CADM2: variants seen among roughly 807,000 people sequenced by gnomAD.
The protein encoded by CADM2 is immunoglobulin superfamily member 4D.
A neutral mutation model predicts 49.8 loss-of-function variants in CADM2; 12 were observed. The observed-to-expected ratio is 0.24, with a 90% CI of 0.15 to 0.39. The LOEUF is 0.39. CADM2 is among the 10% of genes least tolerant of loss of function. CADM2 has a pLI of 1.00. For synonymous variants in CADM2, 214 were observed against 175.4 expected (o/e 1.22, Z -1.74); for missense variants, 378 against 492.3 (o/e 0.77, Z 2.20).
intron 8 of CADM2, chr3:86,012,951 GGCGACA>G: frequency 1.4e-6 from 1 of 692,568 alleles, no homozygotes; most frequent in Non-Finnish European, 2.6e-6. Context: ...CTCCAGCCTG[GGCGACA>G]GCGAGACTCC....
chr3:85,004,241 C>T (rs904000536), intron 1 of CADM2, among the ~76,000 whole-genome samples: 9 of 152,028 alleles, frequency 5.9e-5, no homozygotes, highest in African/African-American at 2.2e-4. Context: ...AGCAACGAAG[C>T]GTTTGCTGGT....
At chr3:85,559,985 A>G (rs1321062785) in intron 1 of CADM2, among the ~76,000 whole-genome samples, 3 of 152,212 alleles carry the variant, frequency 2.0e-5, no homozygotes, top group Non-Finnish European at 2.9e-5. Context: ...ATTAACAGCT[A>G]AAGTGTTTCA....
chr3:85,471,409 C>T (rs2038757894), intron 1 of CADM2, among the ~76,000 whole-genome samples: 1 of 152,134 alleles, frequency 6.6e-6, no homozygotes, highest in South Asian at 2.1e-4. Flanking sequence ...CAACTAACTT[C>T]AAGGGAAGCT....
intron 1 of CADM2, among the ~76,000 whole-genome samples, chr3:85,232,854 C>T (rs997002030): frequency 5.9e-5 from 9 of 152,082 alleles, no homozygotes; most frequent in African/African-American, 2.2e-4. Context: ...CAAATCTAAA[C>T]ATAGGTTTAG....
At chr3:85,441,364 T>C (rs1204980941) in intron 1 of CADM2, among the ~76,000 whole-genome samples, 2 of 152,016 alleles carry the variant, frequency 1.3e-5, no homozygotes, top group Non-Finnish European at 2.9e-5. Context: ...GTCAATATTA[T>C]AAATAAACAT....
chr3:85,154,783 T>A (rs2107653831), intron 1 of CADM2, among the ~76,000 whole-genome samples: 2 of 145,020 alleles, frequency 1.4e-5, no homozygotes, highest in South Asian at 4.6e-4. Context: ...GGGGCCAATA[T>A]TCAACATTCT....
At chr3:85,654,693 C>T (rs2065145063) in intron 1 of CADM2, among the ~76,000 whole-genome samples, 1 of 152,126 alleles carries the variant, frequency 6.6e-6, no homozygotes, top group Non-Finnish European at 1.5e-5. Flanking sequence ...ATTGGATAGC[C>T]TCTAATTGTT....
chr3:85,661,704 C>A lies in CADM2; in HGVS notation c.62-64818C>A, dbSNP rs184743471. On this transcript the variant is annotated intron_variant, in intron 1 of 9. Transcript: ENST00000383699. ...ACTTCATACTCAAAGTGAAAGACCA[C>A]TAGCTCAAATAACCAGATGAAGAGA... Among the ~76,000 whole-genome samples the A allele has an allele frequency of 2.5e-4, 38 of 152,010 alleles. No homozygotes were observed. The East Asian group carries it at 7.0e-3, about 28-fold the overall frequency.
intron 1 of CADM2, among the ~76,000 whole-genome samples, chr3:85,312,138 C>T (rs970207542): frequency 6.6e-5 from 10 of 152,036 alleles, no homozygotes; most frequent in African/African-American, 2.2e-4. Flanking sequence ...TGACCTTCAG[C>T]TTTGAAATTG....
chr3:85,514,921 T>C (rs1386474650), intron 1 of CADM2, among the ~76,000 whole-genome samples: 10 of 152,210 alleles, frequency 6.6e-5, no homozygotes, highest in African/African-American at 2.4e-4. Flanking sequence ...ATATCTTTAT[T>C]ACCCTATTCT....
chr3:85,460,951 A>G (rs2038217991), intron 1 of CADM2, among the ~76,000 whole-genome samples: 1 of 152,156 alleles, frequency 6.6e-6, no homozygotes, highest in Non-Finnish European at 1.5e-5. Context: ...GAAAAAGTAA[A>G]GTCTGGGAAG....
At chr3:85,188,342 G>T (rs931643675) in intron 1 of CADM2, among the ~76,000 whole-genome samples, 1 of 152,026 alleles carries the variant, frequency 6.6e-6, no homozygotes, top group Non-Finnish European at 1.5e-5. Context: ...AAAATGCTAT[G>T]TTTCTATCAA....
At chr3:85,245,796 G>T (rs2107846232) in intron 1 of CADM2, among the ~76,000 whole-genome samples, 1 of 152,302 alleles carries the variant, frequency 6.6e-6, no homozygotes, top group African/African-American at 2.4e-5. Context: ...ATGCCAAGTA[G>T]TGTGCTGCTT....
intron 1 of CADM2, among the ~76,000 whole-genome samples, chr3:85,513,590 T>A (rs1328138832): frequency 6.6e-6 from 1 of 152,126 alleles, no homozygotes; most frequent in South Asian, 2.1e-4. Flanking sequence ...AAATATTCTT[T>A]ATCATATTAT....
At chr3:85,141,372 T>C (rs2039570581) in intron 1 of CADM2, among the ~76,000 whole-genome samples, 1 of 152,150 alleles carries the variant, frequency 6.6e-6, no homozygotes, top group South Asian at 2.1e-4. Context: ...ACTTAACACA[T>C]GTAAAGTGCT....
At chr3:85,724,661 CT>C (rs2067623078) in intron 1 of CADM2, among the ~76,000 whole-genome samples, 1 of 149,992 alleles carries the variant, frequency 6.7e-6, no homozygotes, top group East Asian at 2.0e-4. Flanking sequence ...AAATCTTCTT[CT>C]GGAAACAAAA....
chr3:85,649,041 G>T (rs895077812), intron 1 of CADM2, among the ~76,000 whole-genome samples: 1 of 151,996 alleles, frequency 6.6e-6, no homozygotes, highest in East Asian at 1.9e-4. Context: ...ACTGGGTGAA[G>T]AAATTACTTT....
At chr3:85,924,875 C>T (rs1719625648) in intron 6 of CADM2, among the ~76,000 whole-genome samples, 1 of 152,166 alleles carries the variant, frequency 6.6e-6, no homozygotes, top group Admixed American at 6.5e-5. Flanking sequence ...TACAGCTTGA[C>T]ATTCAAGGCT....
rs188976852 is a variant in CADM2, at chr3:85,973,398, G to A, written c.970+11751G>A. On this transcript the variant is annotated intron_variant, in intron 8 of 9. Coordinates refer to ENST00000383699, the MANE Select transcript of CADM2 (RefSeq NM_001167675.2). Reference sequence around the variant, plus strand: ...ATCTTTTAAAACAGACAAACAAAAAGCACCTACCACATTGAAAGCATAGAG... The same window carrying A: ...ATCTTTTAAAACAGACAAACAAAAAACACCTACCACATTGAAAGCATAGAG... Among the ~76,000 whole-genome samples, 748 of 151,716 alleles carry A rather than the reference G, an allele frequency of 4.9e-3. 6 individuals carry two copies. The highest frequency in any genetic ancestry group is 0.017 in the African/African-American group (689 of 41,454).
Sources: gnomAD v4.1 joint callset for allele counts (sites outside exome capture counted in the v4.1 genomes callset) on GRCh38, gnomAD v4.1.1 for gene constraint, MANE v1.5 for transcripts, NCBI Gene and HGNC (gene_info 2026-07-23, HGNC 2026-07-21) for gene names.